Variants in RORA observed in about 807,000 individuals in gnomAD.
RORA encodes the protein RAR related orphan receptor A.
A neutral mutation model predicts 69.5 loss-of-function variants in RORA; 7 were observed. That is an observed-to-expected ratio of 0.10 (90% confidence interval 0.06 to 0.19). The LOEUF is 0.19. Among genes scored for constraint, RORA ranks in the 10% least tolerant of loss-of-function variants. The pLI is 1.00. For synonymous variants in RORA, 261 were observed against 240.8 expected, an observed-to-expected ratio of 1.08 and a Z score of -0.78; for missense variants, 457 against 663.0, an observed-to-expected ratio of 0.69 and a Z score of 3.41.
Position 60,885,864 on chromosome 15 carries a change from G to A in RORA, c.167-207178C>T, listed in dbSNP as rs532197093. On this transcript the variant is annotated intron_variant, in intron 1 of 10. Coordinates refer to ENST00000335670, the MANE Select transcript of RORA (RefSeq NM_134261.3). The stretch of plus-strand genomic sequence containing the variant: ...GATGGAATGGTTGGAATTGTTATAT[G>A]AGAAAGCAAATGTGAAGCACGGAGC... 3.9e-5 allele frequency among the ~76,000 whole-genome samples: 6 copies of A among 152,362 alleles called. No homozygotes were observed. The South Asian group carries it at 1.0e-3, about 26-fold the overall frequency.
intron 1 of RORA, among the ~76,000 whole-genome samples, chr15:61,073,970 T>C (rs1480425888): frequency 1.3e-5 from 2 of 152,222 alleles, no homozygotes; most frequent in African/African-American, 4.8e-5. Flanking sequence ...TTCCTTCATC[T>C]TACCACTCAT....
chr15:60,602,906 C>G (rs1041712351), intron 2 of RORA, among the ~76,000 whole-genome samples: 4 of 152,172 alleles, frequency 2.6e-5, no homozygotes, highest in African/African-American at 9.7e-5. Context: ...ATTCCCCTCT[C>G]CCCCAATATT....
Position 61,016,745 on chromosome 15 carries a change from C to T in RORA, c.166+212308G>A, listed in dbSNP as rs143167472. ...AGCTGAATGTGGTGAAATGGGGAGA[C>T]AAGTCACTGGGCAATTAGAAGTGTG... On this transcript the variant is annotated intron_variant, in intron 1 of 10. Coordinates refer to ENST00000335670, the MANE Select transcript of RORA (RefSeq NM_134261.3). Among the ~76,000 whole-genome samples the T allele has an allele frequency of 1.7e-4, 26 of 152,184 alleles. No individual in the cohort carries two copies. In the East Asian group the frequency reaches 2.5e-3, roughly 15 times the overall value.
chr15:60,652,614 G>A (rs986198254), intron 2 of RORA, among the ~76,000 whole-genome samples: 1 of 151,986 alleles, frequency 6.6e-6, no homozygotes, highest in African/African-American at 2.4e-5. Flanking sequence ...TCCCCTATGC[G>A]GAAGAAAAGT....
intron 1 of RORA, among the ~76,000 whole-genome samples, chr15:60,819,271 G>A (rs2140376125): frequency 6.6e-6 from 1 of 152,318 alleles, no homozygotes; most frequent in Admixed American, 6.5e-5. Flanking sequence ...TGATGCTGTT[G>A]AACTTTTCAT....
At chr15:60,507,218 T>A (rs1040434209) in intron 5 of RORA, among the ~76,000 whole-genome samples, 16 of 152,078 alleles carry the variant, frequency 1.1e-4, no homozygotes, top group Non-Finnish European at 5.9e-5. Context: ...TAAAACCATA[T>A]CAAAAAATGA....
chr15:61,056,540 A>C (rs1241963463), intron 1 of RORA, among the ~76,000 whole-genome samples: 1 of 152,204 alleles, frequency 6.6e-6, no homozygotes, highest in African/African-American at 2.4e-5. Flanking sequence ...CAGCCATTGG[A>C]TCAACCATGA....
intron 2 of RORA, among the ~76,000 whole-genome samples, chr15:60,655,249 C>G (rs1275335680): frequency 6.6e-6 from 1 of 152,062 alleles, no homozygotes; most frequent in Non-Finnish European, 1.5e-5. Context: ...TTAAAAAATT[C>G]TCTCTTTCTT....
chr15:61,001,559 G>A (rs1032819271), intron 1 of RORA, among the ~76,000 whole-genome samples: 8 of 152,178 alleles, frequency 5.3e-5, no homozygotes, highest in African/African-American at 1.7e-4. Flanking sequence ...AAGTCAAGAC[G>A]GCTGCCCAAG....
intron 1 of RORA, among the ~76,000 whole-genome samples, chr15:61,080,096 G>A (rs1241884077): frequency 6.6e-6 from 1 of 152,156 alleles, no homozygotes; most frequent in South Asian, 2.1e-4. Context: ...CTGCTTCTCA[G>A]GTAGCTCAGG....
intron 1 of RORA, among the ~76,000 whole-genome samples, chr15:60,814,785 C>T (rs7165688): frequency 3.9e-5 from 6 of 152,102 alleles, no homozygotes; most frequent in African/African-American, 1.4e-4. Flanking sequence ...GCATCATTAC[C>T]TATCAGCTTC....
intron 2 of RORA, among the ~76,000 whole-genome samples, chr15:60,588,470 A>ATCCG (rs2068400977): frequency 6.6e-6 from 1 of 151,966 alleles, no homozygotes; most frequent in South Asian, 2.1e-4. Context: ...CCATCCATCC[A>ATCCG]TCCATCCATC....
At chr15:61,050,867 TAAC>T (rs1897259358) in intron 1 of RORA, among the ~76,000 whole-genome samples, 1 of 152,198 alleles carries the variant, frequency 6.6e-6, no homozygotes, top group Admixed American at 6.5e-5. Context: ...TTAGGTTGAC[TAAC>T]TTATTAAAAT....
intron 2 of RORA, among the ~76,000 whole-genome samples, chr15:60,635,181 A>G (rs1167733501): frequency 1.3e-5 from 2 of 152,164 alleles, no homozygotes; most frequent in Non-Finnish European, 2.9e-5. Flanking sequence ...TGGCCCTCAA[A>G]TTGCAATTTA....
At chr15:60,822,518 A>G (rs920052749) in intron 1 of RORA, among the ~76,000 whole-genome samples, 1 of 152,208 alleles carries the variant, frequency 6.6e-6, no homozygotes, top group Non-Finnish European at 1.5e-5. Context: ...GTTCTTTCAT[A>G]TGACAGGTGG....
At chr15:60,810,952 G>C (rs755999021) in intron 1 of RORA, among the ~76,000 whole-genome samples, 33 of 152,088 alleles carry the variant, frequency 2.2e-4, no homozygotes, top group Non-Finnish European at 4.0e-4. Context: ...CAGCTTCTTT[G>C]GTCTTTTATT....
chr15:60,974,495 G>A (rs529409022), intron 1 of RORA, among the ~76,000 whole-genome samples: 2 of 152,306 alleles, frequency 1.3e-5, no homozygotes, highest in Admixed American at 6.5e-5. Flanking sequence ...AGTGTGATTA[G>A]CTCCCTGGGG....
chr15:60,729,974 C>T (rs1263886347), intron 1 of RORA, among the ~76,000 whole-genome samples: 1 of 152,202 alleles, frequency 6.6e-6, no homozygotes, highest in Admixed American at 6.5e-5. Context: ...AGCACTGAAT[C>T]AAAGTGGTTC....
intron 1 of RORA, among the ~76,000 whole-genome samples, chr15:60,851,923 C>T (rs1298303710): frequency 1.3e-5 from 2 of 152,176 alleles, no homozygotes; most frequent in African/African-American, 4.8e-5. Context: ...AATGTCTCAG[C>T]TCCCTGAAGG....
Sources: allele counts gnomAD v4.1 joint callset (sites outside exome capture counted in the v4.1 genomes callset), GRCh38; gene constraint gnomAD v4.1.1; transcripts MANE v1.5; gene names NCBI Gene and HGNC (gene_info 2026-07-23, HGNC 2026-07-21).